Variants in TSBP1 observed in about 807,000 individuals in gnomAD.
TSBP1 encodes testis expressed basic protein 1, also known as testis-expressed basic protein 1.
A neutral mutation model predicts 68.8 loss-of-function variants in TSBP1; 56 were observed. The ratio of observed to expected loss-of-function variants is 0.81; its 90% CI spans 0.66 to 1.02. The LOEUF (loss-of-function observed/expected upper bound fraction) is 1.02. Ranked by LOEUF, TSBP1 falls within the 50% of genes least tolerant of loss-of-function variation. The pLI is 0.00. For synonymous variants in TSBP1, 171 were observed against 208.7 expected (o/e 0.82, Z 1.56); for missense variants, 502 against 641.2 (o/e 0.78, Z 2.34).
In TSBP1 at chr6:32,332,478, G is replaced by A. The variant is rs1769153552; in HGVS notation, c.473-424C>T. On this transcript the variant is annotated intron_variant, in intron 14 of 22. Transcript: ENST00000612031. ...GTTCCAGAGGTAGACATTAGAATAGGAGGTAAGAATCTAGTTTCTTCTTCT... is the reference window on the plus strand; with the variant it reads ...GTTCCAGAGGTAGACATTAGAATAGAAGGTAAGAATCTAGTTTCTTCTTCT... Among the ~76,000 whole-genome samples the A allele has an allele frequency of 2.6e-5, 4 of 152,204 alleles. No individual in the cohort carries two copies. In the South Asian group the frequency reaches 8.3e-4, roughly 32 times the overall value.
rs1478389429 is a variant in TSBP1, at chr6:32,339,010, A to T, written c.389-11T>A. 2 of 1,610,780 alleles carry T rather than the reference A, an allele frequency of 1.2e-6. No homozygotes were observed. Among genetic ancestry groups the T allele is most frequent in the Non-Finnish European group, 1.7e-6 (2 of 1,178,124 alleles). The stretch of plus-strand genomic sequence containing the variant: ...CTCCTGCAGTTCTGGCTAAAATACA[A>T]ACAAAAAAGGTGAGTTTGAAGAGAG... On this transcript the variant is annotated splice_polypyrimidine_tract_variant and intron_variant, in intron 10 of 22. Transcript: ENST00000612031.
chr6:32,364,289 G>A (rs562108156), intron 6 of TSBP1, among the ~76,000 whole-genome samples: 52 of 152,148 alleles, frequency 3.4e-4, no homozygotes, highest in African/African-American at 1.3e-3. Flanking sequence ...TAGCAATTAT[G>A]CCTTAAATAA....
chr6:32,325,214 C>A lies in TSBP1; in HGVS notation c.515-1600G>T. ...ATCATTAAAGTCTCTCTTCTCCTGG[C>A]CGTCTTATCTAAGTCAGAGTCTCCT... is the stretch of plus-strand genomic sequence containing the variant. On this transcript the variant is annotated intron_variant, in intron 16 of 22. Transcript: ENST00000612031. This position sits in a 1 kb window ranked among gnomAD's most constrained non-coding sequence, Gnocchi z 4.4. 2 of 658,422 alleles carry A rather than the reference C, an allele frequency of 3.0e-6. No homozygotes were observed. Among genetic ancestry groups the A allele is most frequent in the Admixed American group, 2.6e-5 (1 of 38,076 alleles). 40.8% of individuals were successfully genotyped at this position (658,422 alleles called of 1,614,324 possible).
Position 32,335,567 on chromosome 6 carries a change from T to C in TSBP1, c.452-110A>G. 2.2e-6 allele frequency: 2 copies of C among 910,934 alleles called. No homozygotes were observed. Among genetic ancestry groups the C allele is most frequent in the Non-Finnish European group, 2.9e-6 (2 of 680,242 alleles). The allele number at this position is 910,934 out of a possible 1,614,324, so 56.4% of individuals were successfully genotyped here. Reference sequence around the variant, plus strand: ...TCCCTAGTAGGAATCTGCATCACTATTGTCAAGTTCAGCTGCAGTTGAGTA... The same window carrying C: ...TCCCTAGTAGGAATCTGCATCACTACTGTCAAGTTCAGCTGCAGTTGAGTA... On this transcript the variant is annotated intron_variant, in intron 13 of 22. Transcript: ENST00000612031. This position sits in a 1 kb window ranked among gnomAD's most constrained non-coding sequence, Gnocchi z 5.5.
At chr6:32,366,010 G>C (rs963351713) in intron 6 of TSBP1, 157 bp downstream of exon 6, 3 of 1,158,086 alleles carry the variant, frequency 2.6e-6, no homozygotes, top group Admixed American at 4.1e-5. Context: ...CTCATAGCGT[G>C]ATGGTGAACA....
intron 22 of TSBP1, among the ~76,000 whole-genome samples, chr6:32,297,073 G>A (rs1034425603): frequency 2.0e-5 from 3 of 152,078 alleles, no homozygotes; most frequent in Non-Finnish European, 4.4e-5. Flanking sequence ...ATAAAGTGAG[G>A]TTCACTTTTA....
At chr6:32,320,331 G>A (rs922338667) in intron 18 of TSBP1, 3 of 409,836 alleles carry the variant, frequency 7.3e-6, no homozygotes, top group Non-Finnish European at 1.5e-5. Flanking sequence ...ACCTGTGTGG[G>A]TGGCTCTGTT....
intron 16 of TSBP1, among the ~76,000 whole-genome samples, chr6:32,328,050 C>T (rs1768472611): frequency 6.6e-6 from 1 of 151,956 alleles, no homozygotes; most frequent in African/African-American, 2.4e-5. Flanking sequence ...GTGATCTGCC[C>T]ACCTTGGCCT....
intron 14 of TSBP1, among the ~76,000 whole-genome samples, chr6:32,334,723 C>G (rs1324365389): frequency 6.6e-6 from 1 of 152,132 alleles, no homozygotes; most frequent in Non-Finnish European, 1.5e-5. Flanking sequence ...CTGGAGAGAA[C>G]TTTTCAGGGC....
chr6:32,302,221 G>A lies in TSBP1; in HGVS notation c.601+388C>T, dbSNP rs1176697609. 6.6e-6 allele frequency among the ~76,000 whole-genome samples: 1 copy of A among 152,068 alleles called. No individual in the cohort carries two copies. The highest frequency in any genetic ancestry group is 1.5e-5 in the Non-Finnish European group (1 of 68,014). Reference sequence around the variant, plus strand: ...TAATCCCAGCACTTTAGGAGGCTAAGGCAAGGGGATCGTTTGAGGCCAGGA... The same window carrying A: ...TAATCCCAGCACTTTAGGAGGCTAAAGCAAGGGGATCGTTTGAGGCCAGGA... On this transcript the variant is annotated intron_variant, in intron 20 of 22. Coordinates refer to ENST00000612031, the Ensembl canonical transcript of TSBP1. This position sits in a 1 kb window ranked among gnomAD's most constrained non-coding sequence, Gnocchi z 5.1.
intron 9 of TSBP1, among the ~76,000 whole-genome samples, chr6:32,341,447 T>C (rs1165834147): frequency 6.6e-6 from 1 of 152,128 alleles, no homozygotes; most frequent in Non-Finnish European, 1.5e-5. Context: ...TTATAAGGGA[T>C]AGAGATGGTG....
chr6:32,330,241 A>G (rs1768806471), intron 16 of TSBP1, among the ~76,000 whole-genome samples: 1 of 151,976 alleles, frequency 6.6e-6, no homozygotes. Context: ...TTTCCTCCTC[A>G]TTGTCTCCTC....
intron 20 of TSBP1, among the ~76,000 whole-genome samples, chr6:32,301,438 C>T (rs1319340004): frequency 2.6e-5 from 4 of 151,926 alleles, no homozygotes; most frequent in Non-Finnish European, 4.4e-5. Flanking sequence ...AATAGGCTGG[C>T]GCCGTGGCTC....
At chr6:32,308,013 G>C (rs1319308614) in intron 19 of TSBP1, among the ~76,000 whole-genome samples, 1 of 151,856 alleles carries the variant, frequency 6.6e-6, no homozygotes, top group African/African-American at 2.4e-5. Context: ...GACCTCAAGT[G>C]ATCTACCCGC....
In TSBP1 at chr6:32,292,976, T is replaced by A. The variant is rs1764300108; in HGVS notation, c.*5A>T. Reference sequence around the variant, plus strand: ...TTGTCTTATGGGCCTTTAAAAAATTTATCCTTACTCTTCCACTTTTTTGTT... The same window carrying A: ...TTGTCTTATGGGCCTTTAAAAAATTAATCCTTACTCTTCCACTTTTTTGTT... On this transcript the variant is annotated 3_prime_UTR_variant, in exon 23 of 23. Coordinates refer to ENST00000612031, the Ensembl canonical transcript of TSBP1. This position sits in a 1 kb window ranked among gnomAD's most constrained non-coding sequence, Gnocchi z 4.1. 1 of 1,578,304 alleles carries A rather than the reference T, an allele frequency of 6.3e-7. No individual in the cohort carries two copies. The highest frequency in any genetic ancestry group is 1.4e-5 in the African/African-American group (1 of 73,106).
Position 32,292,828 on chromosome 6 carries a change from G to T in TSBP1, c.*153C>A. On this transcript the variant is annotated 3_prime_UTR_variant, in exon 23 of 23. Coordinates refer to ENST00000612031, the Ensembl canonical transcript of TSBP1. This position sits in a 1 kb window ranked among gnomAD's most constrained non-coding sequence, Gnocchi z 4.1. Reference sequence around the variant, plus strand: ...AGGTTTGTGGCTGAGAGATTAAAAAGGGTGAAACTTCTGAAGAGCAGAAAC... The same window carrying T: ...AGGTTTGTGGCTGAGAGATTAAAAATGGTGAAACTTCTGAAGAGCAGAAAC... 1.7e-6 allele frequency: 1 copy of T among 577,932 alleles called. No individual in the cohort carries two copies. The highest frequency in any genetic ancestry group is 2.9e-5 in the East Asian group (1 of 34,788). The allele number at this position is 577,932 out of a possible 1,614,324, so 35.8% of individuals were successfully genotyped here.
At chr6:32,349,599 G>A (rs1771484761) in intron 9 of TSBP1, 141 bp downstream of exon 9, 2 of 616,530 alleles carry the variant, frequency 3.2e-6, no homozygotes, top group Non-Finnish European at 5.8e-6. Flanking sequence ...GTCTGGTTAT[G>A]GAGAACAAAG....
chr6:32,331,230 A>G (rs533812124), intron 15 of TSBP1, among the ~76,000 whole-genome samples: 60 of 152,162 alleles, frequency 3.9e-4, no homozygotes, highest in African/African-American at 1.4e-3. Flanking sequence ...TTTTCCTCAG[A>G]TCACTCTGTT....
chr6:32,358,348 C>A (rs943342342), intron 6 of TSBP1, among the ~76,000 whole-genome samples: 14 of 152,016 alleles, frequency 9.2e-5, no homozygotes, highest in Non-Finnish European at 1.8e-4. Context: ...TTTCTTTGCA[C>A]CCTTGGAATT....
Sources: allele counts gnomAD v4.1 joint callset (sites outside exome capture counted in the v4.1 genomes callset), GRCh38; gene constraint gnomAD v4.1.1; non-coding constraint Gnocchi (gnomAD v3.1); transcripts MANE v1.5; gene names NCBI Gene and HGNC (gene_info 2026-07-23, HGNC 2026-07-21).